NOTCH3: variants seen among roughly 807,000 people sequenced by gnomAD.
The protein encoded by NOTCH3 is neurogenic locus notch homolog protein 3.
In NOTCH3, 86 loss-of-function variants were observed where a neutral mutation model predicts 213.3. That is an observed-to-expected ratio of 0.40 (90% CI 0.34 to 0.48). The LOEUF (loss-of-function observed/expected upper bound fraction) is 0.48. Ranked by LOEUF, NOTCH3 falls within the 20% of genes least tolerant of loss-of-function variation. NOTCH3 has a pLI of 0.57. For missense variants in NOTCH3, 2,783 were observed against 3,272.6 expected, an observed-to-expected ratio of 0.85 and a Z score of 3.65; for synonymous variants, 1,354 against 1,355.9, an observed-to-expected ratio of 1.00 and a Z score of 0.03.
chr19:15,171,831 A>T (rs1349205751), intron 25 of NOTCH3, among the ~76,000 whole-genome samples: 1 of 134,798 alleles, frequency 7.4e-6, no homozygotes, highest in African/African-American at 2.8e-5. Context: ...TGCCACGCCC[A>T]GGTAATTTTT....
rs761647880 is a variant in NOTCH3 at position 15,170,817 on chromosome 19, A to G, written c.4745T>C (p.Val1582Ala). 4 of 1,613,394 alleles carry G rather than the reference A, an allele frequency of 2.5e-6. No homozygotes were observed. In the South Asian group the frequency reaches 4.4e-5, roughly 18 times the overall value. ...GAGCCGGTTGTCAATCTCCAGCATT[A>G]CTACCGAGCTGCAGGGACAGCAGGG... ...ELAPEVIGSV[V>A]MLEIDNRLCL... The change falls in exon 26 of 33, where the codon GTA becomes GCA. Residue 1582 changes from valine (V) to alanine (A), a missense_variant. Around this residue, in one of 6 missense-constraint regions of NOTCH3, gnomAD observed 636 missense variants for 801.8 expected, o/e 0.79. Transcript: ENST00000263388.
rs193027475 is a variant in NOTCH3, at chr19:15,186,697, G to A, written c.1951+181C>T. On this transcript the variant is annotated intron_variant, in intron 12 of 32. Transcript: ENST00000263388. ...TGGGATTACAGGCGTGAGCCACCGC[G>A]CCCAGCCTGCAGAATAATCTCGAAA... Among the ~76,000 whole-genome samples, 28 of 152,294 alleles carry A rather than the reference G, an allele frequency of 1.8e-4. No homozygotes were observed. The East Asian group carries it at 1.9e-3, about 11-fold the overall frequency.
chr19:15,170,477 G>T lies in NOTCH3; in HGVS notation c.4968C>A (p.Val1656=). ...CCACCATGACACCCAGGACGAGAAT[G>T]ACCAGCAGCAAGACAGCGCCCGCCA... The part of the protein sequence containing the change: ...LLVAGAVLLL[V]ILVLGVMVAR... Residue 1656 remains valine (V), a synonymous_variant, in exon 27 of 33, where the codon GTC becomes GTA. Transcript: ENST00000263388. The T allele has an allele frequency of 6.2e-7, 1 of 1,607,322 alleles. No individual in the cohort carries two copies. Among genetic ancestry groups the T allele is most frequent in the South Asian group, 1.1e-5 (1 of 91,066 alleles).
rs548683910 is a variant in NOTCH3, at chr19:15,180,708, G to T, written c.3115C>A (p.Pro1039Thr). The T allele has an allele frequency of 7.0e-6, 11 of 1,562,514 alleles. No homozygotes were observed. The African/African-American group carries it at 1.5e-4, about 21-fold the overall frequency. ...ATCTGGGCTGCGGCCTCCCTGCAGG[G>T]CAAGCTTCGGATGTCACAGAGGCGT... ...SGRLCDIRSL[P>T]CREAAAQIGV... is the part of the protein sequence containing the mutation. Residue 1039 changes from proline (P) to threonine (T), a missense_variant, in exon 19 of 33, where the codon CCC becomes ACC. Physicochemically the swap from Pro to Thr is conservative, Grantham distance 38. Around this residue, in one of 6 missense-constraint regions of NOTCH3, gnomAD observed 861 missense variants for 909.1 expected, o/e 0.95. Coordinates refer to ENST00000263388, the MANE Select transcript of NOTCH3 (RefSeq NM_000435.3).
At position 15,179,415 on chromosome 19, in the gene NOTCH3, A is replaced by G. The variant is rs2145418962; in HGVS notation, c.3409T>C (p.Cys1137Arg). The change falls in exon 21 of 33, where the codon TGC becomes CGC. Residue 1137 changes from cysteine to arginine, a missense_variant. Around this residue, in one of 6 missense-constraint regions of NOTCH3, gnomAD observed 861 missense variants for 909.1 expected, o/e 0.95. Coordinates refer to ENST00000263388, the MANE Select transcript of NOTCH3 (RefSeq NM_000435.3). ...ASQPCQHGGS[C>R]IDLVARYLCS... ...AGATAGCGGGCCACGAGGTCAATGCATGAACCCCCGTGCTGGCAGGGCTGG... is the reference window on the plus strand; with the variant it reads ...AGATAGCGGGCCACGAGGTCAATGCGTGAACCCCCGTGCTGGCAGGGCTGG... The G allele has an allele frequency of 6.2e-7, 1 of 1,614,170 alleles. No homozygotes were observed. Among genetic ancestry groups the G allele is most frequent in the Non-Finnish European group, 8.5e-7 (1 of 1,180,026 alleles).
intron 32 of NOTCH3, 29 bp from the exon 33 acceptor site, chr19:15,161,743 C>A (rs370854806): frequency 6.2e-7 from 1 of 1,603,478 alleles, no homozygotes; most frequent in Non-Finnish European, 8.5e-7. Flanking sequence ...CAGAGGTCAG[C>A]GAAACCCCAG....
intron 23 of NOTCH3, 120 bp from the exon 24 acceptor site, chr19:15,178,210 GGT>G: frequency 1.6e-6 from 1 of 629,548 alleles, no homozygotes; most frequent in South Asian, 2.0e-5. Context: ...GAAGAGAAGA[GGT>G]CAAGACTAAG....
Position 15,189,345 on chromosome 19 carries a change from G to A in NOTCH3, c.1120C>T (p.Arg374Trp), listed in dbSNP as rs867723391. 2.5e-6 allele frequency: 4 copies of A among 1,613,994 alleles called. No individual in the cohort carries two copies. The highest frequency in any genetic ancestry group is 3.4e-6 in the Non-Finnish European group (4 of 1,180,034). The part of the protein sequence containing the change: ...AICDTNPVNG[R>W]AICTCPPGFT... ...CCGGGAGGACAGGTGCAAATGGCCC[G>A]GCCGTTCACCGGATTTGTGTCACAG... Residue 374 changes from arginine (R) to tryptophan (W), a missense_variant, in exon 7 of 33, where the codon CGG (arginine) becomes TGG (tryptophan). By Grantham distance (101) the Arg-to-Trp change is moderately radical. Transcript: ENST00000263388.
chr19:15,184,429 A>G lies in NOTCH3; in HGVS notation c.2432T>C (p.Val811Ala), dbSNP rs373367879. 4 of 1,613,774 alleles carry G rather than the reference A, an allele frequency of 2.5e-6. No homozygotes were observed. In the African/African-American group the frequency reaches 4.0e-5, roughly 16 times the overall value. The change falls in exon 16 of 33, where the codon GTG becomes GCG. Residue 811 changes from valine (V) to alanine (A), a missense_variant. Around this residue, in one of 6 missense-constraint regions of NOTCH3, gnomAD observed 861 missense variants for 909.1 expected, o/e 0.95. Transcript: ENST00000263388. The part of the protein sequence containing the change: ...GWQGPRCQQD[V>A]DECAGPAPCG... ...GGGTGCGGGGCCAGCACACTCGTCC[A>G]CATCCTGCTGGCATCGTGGGCCTGG...
chr19:15,192,449 G>C lies in NOTCH3; in HGVS notation c.268C>G (p.Arg90Gly), dbSNP rs1555729604. 6.2e-7 allele frequency: 1 copy of C among 1,612,442 alleles called. No individual in the cohort carries two copies. Reference protein sequence around the residue: ...DPCHSGPCAGRGVCQSSVVAG... With the variant: ...DPCHSGPCAGGGVCQSSVVAG... Reference sequence around the variant, plus strand: ...ACCACTGAACTCTGGCAGACACCACGGCCAGCACAGGGGCCTGAGTGACAG... The same window carrying C: ...ACCACTGAACTCTGGCAGACACCACCGCCAGCACAGGGGCCTGAGTGACAG... The change falls in exon 3 of 33, where the codon CGT becomes GGT. Residue 90 changes from arginine to glycine, a missense_variant. Physicochemically the swap from Arg to Gly is moderately radical, Grantham distance 125. Transcript: ENST00000263388.
rs1197208991 is a variant in NOTCH3, at chr19:15,179,090, T to G, written c.3653A>C (p.His1218Pro). 6.2e-7 allele frequency: 1 copy of G among 1,614,170 alleles called. No individual in the cohort carries two copies. Residue 1218 changes from histidine (H) to proline (P), a missense_variant, in exon 22 of 33, where the codon CAC becomes CCC. His to Pro is a moderately conservative substitution (Grantham distance 77). This residue lies in a region of NOTCH3 where 861 missense variants were observed against 909.1 expected (regional missense o/e 0.95). Coordinates refer to ENST00000263388, the MANE Select transcript of NOTCH3 (RefSeq NM_000435.3). The part of the protein sequence containing the change: ...ECRSGACHAA[H>P]TRDCLQDPGG... The stretch of plus-strand genomic sequence containing the variant: ...TGGGTCCTGCAGGCAGTCCCGGGTG[T>G]GTGCCGCGTGGCAGGCACCTGAGCG...
At position 15,165,288 on chromosome 19, in the gene NOTCH3, G is replaced by A. The variant is rs1484156218; in HGVS notation, c.5815+80C>T. The stretch of plus-strand genomic sequence containing the variant: ...GCTTCAGTGATTGGGTCTCAACATG[G>A]GTATGAATTTGCACCAACATGACCC... On this transcript the variant is annotated intron_variant, in intron 31 of 32. Transcript: ENST00000263388. The surrounding 1 kb of genome is among the most constrained non-coding windows in gnomAD (Gnocchi z 4.7). The A allele has an allele frequency of 4.9e-6, 7 of 1,428,470 alleles. No homozygotes were observed. The Admixed American group carries it at 1.0e-4, about 20-fold the overall frequency. 88.5% of individuals were successfully genotyped at this position (1,428,470 alleles called of 1,614,324 possible).
At chr19:15,194,030 C>T (rs1027727702) in intron 2 of NOTCH3, among the ~76,000 whole-genome samples, 58 of 152,138 alleles carry the variant, frequency 3.8e-4, no homozygotes, top group Non-Finnish European at 3.1e-4. Context: ...TGCAGTAAGC[C>T]GAGATCGTGC....
intron 12 of NOTCH3, 106 bp downstream of exon 12, chr19:15,186,772 C>T: frequency 1.1e-6 from 1 of 912,876 alleles, no homozygotes; most frequent in Admixed American, 1.7e-5. Flanking sequence ...GCACGGACAA[C>T]CTCGTTGGAC....
intron 15 of NOTCH3, 49 bp downstream of exon 15, chr19:15,184,857 G>A (rs1180429796): frequency 4.7e-6 from 5 of 1,052,922 alleles, no homozygotes; most frequent in Non-Finnish European, 7.2e-6. Flanking sequence ...TGATAGGGTA[G>A]GGGGCAGAGG....
intron 16 of NOTCH3, among the ~76,000 whole-genome samples, chr19:15,182,991 G>C (rs573532800): frequency 9.9e-5 from 15 of 152,220 alleles, no homozygotes; most frequent in African/African-American, 2.2e-4. Context: ...ATTTGGTCAG[G>C]CACAGTGGCA....
rs2046877263 is a variant in NOTCH3 at position 15,185,802 on chromosome 19, C to T, written c.1952-123G>A. ...CAATGACCTCTTTTTCATAACGCAT[C>T]AGCTCTTGTGCAGATTAGGACACCC... On this transcript the variant is annotated intron_variant, in intron 12 of 32. Transcript: ENST00000263388. The surrounding 1 kb of genome is among the most constrained non-coding windows in gnomAD (Gnocchi z 4.2). The T allele has an allele frequency of 5.3e-6, 5 of 936,538 alleles. No homozygotes were observed. The highest frequency in any genetic ancestry group is 6.7e-6 in the Non-Finnish European group (4 of 597,840). The allele number at this position is 936,538 out of a possible 1,614,324, so 58.0% of individuals were successfully genotyped here.
chr19:15,194,157 G>A (rs2046952664), intron 2 of NOTCH3, among the ~76,000 whole-genome samples: 1 of 152,070 alleles, frequency 6.6e-6, no homozygotes, highest in African/African-American at 2.4e-5. Flanking sequence ...GCTGAGGTGG[G>A]AGGATCGCTT....
rs1365653391 is a variant in NOTCH3, at chr19:15,187,957, T to A, written c.1530A>T (p.Glu510Asp). The A allele has an allele frequency of 6.4e-7, 1 of 1,550,758 alleles. No homozygotes were observed. Among genetic ancestry groups the A allele is most frequent in the African/African-American group, 1.4e-5 (1 of 73,166 alleles). Reference sequence around the variant, plus strand: ...CATTCCTGCAGGGCGTGCTGGCGCATTCGTCCACGTCCAGCTGACACGTGG... The same window carrying A: ...CATTCCTGCAGGGCGTGCTGGCGCAATCGTCCACGTCCAGCTGACACGTGG... ...SGSTCQLDVD[E>D]CASTPCRNGA... Residue 510 changes from glutamate to aspartate, a missense_variant, in exon 10 of 33, where the codon GAA becomes GAT. Physicochemically the swap from Glu to Asp is conservative, Grantham distance 45 (BLOSUM62 2). This residue lies in a region of NOTCH3 where 708 missense variants were observed against 906.6 expected (regional missense o/e 0.78). Transcript: ENST00000263388.
Sources: gnomAD v4.1 joint callset for allele counts (sites outside exome capture counted in the v4.1 genomes callset) on GRCh38, gnomAD v4.1.1 for gene constraint, gnomAD v4.1.1 regional missense constraint, Gnocchi (gnomAD v3.1) non-coding constraint, MANE v1.5 for transcripts, NCBI Gene and HGNC (gene_info 2026-07-23, HGNC 2026-07-21) for gene names.